STARD13: variants seen among roughly 807,000 people sequenced by gnomAD.
STARD13 encodes the protein stAR-related lipid transfer protein 13.
A neutral mutation model predicts 106.4 loss-of-function variants in STARD13; 62 were observed. That is an observed-to-expected ratio of 0.58 (90% CI 0.48 to 0.72). STARD13 has a LOEUF of 0.72. STARD13 is among the 30% of genes least tolerant of loss of function. The pLI, the probability that STARD13 is intolerant of heterozygous loss-of-function variation, is 0.00. For synonymous variants in STARD13, 565 were observed against 553.0 expected (o/e 1.02, Z -0.31); for missense variants, 1,387 against 1,424.0 (o/e 0.97, Z 0.42).
chr13:33,478,758 A>G, the STARD13 span, among the ~76,000 whole-genome samples: 1 of 152,138 alleles, frequency 6.6e-6, no homozygotes, highest in Non-Finnish European at 1.5e-5. Flanking sequence ...TCTACAAAAA[A>G]TAGAAAAATT....
chr13:33,637,509 T>C, the STARD13 span, among the ~76,000 whole-genome samples: 1 of 152,204 alleles, frequency 6.6e-6, no homozygotes, highest in Admixed American at 6.5e-5. Context: ...AGAATGCTGT[T>C]TCCATTGTGT....
intron 5 of STARD13, 132 bp downstream of exon 5, chr13:33,128,797 C>T: frequency 1.1e-6 from 1 of 874,520 alleles, no homozygotes; most frequent in Non-Finnish European, 1.7e-6. Context: ...CAAATAATTC[C>T]TAATCACATA....
intron 1 of STARD13, among the ~76,000 whole-genome samples, chr13:33,255,183 G>A (rs1262157046): frequency 6.6e-6 from 1 of 151,980 alleles, no homozygotes; most frequent in Non-Finnish European, 1.5e-5. Context: ...GGGGGACCAG[G>A]GAACTCTCCC....
the STARD13 span, among the ~76,000 whole-genome samples, chr13:33,395,018 A>G: frequency 6.6e-5 from 10 of 152,338 alleles, no homozygotes; most frequent in African/African-American, 2.4e-4. Flanking sequence ...TTTATCCATC[A>G]GGACTCAGGG....
the STARD13 span, among the ~76,000 whole-genome samples, chr13:33,410,983 A>G: frequency 6.6e-6 from 1 of 152,234 alleles, no homozygotes; most frequent in African/African-American, 2.4e-5. Flanking sequence ...CAAAATTTCC[A>G]TGCAAACTTT....
rs1593897589 is a variant in STARD13 at position 33,126,069 on chromosome 13, T to G, written c.2082+12A>C. 6.2e-7 allele frequency: 1 copy of G among 1,612,294 alleles called. No individual in the cohort carries two copies. On this transcript the variant is annotated intron_variant, in intron 7 of 13. Coordinates refer to ENST00000336934, the MANE Select transcript of STARD13 (RefSeq NM_178006.4). The stretch of plus-strand genomic sequence containing the variant: ...GGGTGGTGGGGCAGCAGCGGGGGGG[T>G]TACAGCCCTACCTGATCGAGGCAGT...
the STARD13 span, chr13:33,654,599 A>C: frequency 6.6e-6 from 1 of 152,228 alleles, no homozygotes; most frequent in Non-Finnish European, 1.5e-5. Flanking sequence ...GTACACTTTA[A>C]AAGAGTGAAT....
At chr13:33,167,808 T>A (rs1303008018) in intron 1 of STARD13, among the ~76,000 whole-genome samples, 186 bp from the exon 2 acceptor site, 1 of 152,162 alleles carries the variant, frequency 6.6e-6, no homozygotes, top group African/African-American at 2.4e-5. Context: ...ACAAAGGTCC[T>A]TGTTATGTGT....
chr13:33,403,430 G>A, the STARD13 span, among the ~76,000 whole-genome samples: 1 of 152,190 alleles, frequency 6.6e-6, no homozygotes, highest in African/African-American at 2.4e-5. Context: ...GAGGCCAAGG[G>A]TGTGGCAAAT....
chr13:33,546,814 C>T, the STARD13 span, among the ~76,000 whole-genome samples: 1 of 151,810 alleles, frequency 6.6e-6, no homozygotes, highest in Non-Finnish European at 1.5e-5. Flanking sequence ...TATTTGTAAT[C>T]AATTTAAGCC....
At chr13:33,388,516 C>T in the STARD13 span, among the ~76,000 whole-genome samples, 2 of 152,130 alleles carry the variant, frequency 1.3e-5, no homozygotes, top group Non-Finnish European at 2.9e-5. Context: ...TGCTCAAAGC[C>T]TATAGAAGTT....
chr13:33,626,148 T>G, the STARD13 span, among the ~76,000 whole-genome samples: 1 of 152,160 alleles, frequency 6.6e-6, no homozygotes, highest in African/African-American at 2.4e-5. Context: ...CACACACATC[T>G]GCACATGTGC....
At chr13:33,491,613 T>G in the STARD13 span, among the ~76,000 whole-genome samples, 79,419 of 151,970 alleles carry the variant, frequency 0.52, 21,675 homozygotes, top group African/African-American at 0.69. Context: ...ATCAAGGATC[T>G]CTGTCTAAAA....
intron 7 of STARD13, among the ~76,000 whole-genome samples, chr13:33,120,833 G>A (rs1009192707): frequency 5.9e-5 from 9 of 151,480 alleles, no homozygotes; most frequent in African/African-American, 1.9e-4. Context: ...GTGCAGTGGC[G>A]CATTCAAGTG....
At chr13:33,502,868 C>A in the STARD13 span, among the ~76,000 whole-genome samples, 2 of 152,134 alleles carry the variant, frequency 1.3e-5, no homozygotes, top group Non-Finnish European at 2.9e-5. Context: ...CTCTGCCAGG[C>A]GTTGGTATCA....
chr13:33,171,737 T>C (rs1883988556), intron 1 of STARD13, among the ~76,000 whole-genome samples: 1 of 152,240 alleles, frequency 6.6e-6, no homozygotes, highest in South Asian at 2.1e-4. Context: ...GGTAGCCTGG[T>C]CTAGCAAACA....
intron 1 of STARD13, among the ~76,000 whole-genome samples, chr13:33,305,271 C>T (rs1319781249): frequency 6.6e-6 from 1 of 152,200 alleles, no homozygotes; most frequent in Non-Finnish European, 1.5e-5. Context: ...TGAGCACTTA[C>T]TTTACTGCCG....
rs967845588 is a variant in STARD13 at position 33,130,824 on chromosome 13, A to T, written c.388-535T>A. Among the ~76,000 whole-genome samples, 1 of 152,210 alleles carries T rather than the reference A, an allele frequency of 6.6e-6. No homozygotes were observed. The highest frequency in any genetic ancestry group is 2.4e-5 in the African/African-American group (1 of 41,452). The stretch of plus-strand genomic sequence containing the variant: ...CCCCTGCACTTGATTCTTATCGTGT[A>T]TTCCCTGGATAAGGTAACAGCAAAA... On this transcript the variant is annotated intron_variant, in intron 4 of 13. Coordinates refer to ENST00000336934, the MANE Select transcript of STARD13 (RefSeq NM_178006.4). The surrounding 1 kb of genome is among the most constrained non-coding windows in gnomAD (Gnocchi z 4.1).
intron 3 of STARD13, among the ~76,000 whole-genome samples, chr13:33,151,926 T>C (rs933768145): frequency 6.6e-6 from 1 of 152,114 alleles, no homozygotes; most frequent in African/African-American, 2.4e-5. Flanking sequence ...AAACAGAGGA[T>C]GACTCCCAGA....
Sources: gnomAD v4.1 joint callset for allele counts (sites outside exome capture counted in the v4.1 genomes callset) on GRCh38, gnomAD v4.1.1 for gene constraint, Gnocchi (gnomAD v3.1) non-coding constraint, MANE v1.5 for transcripts, NCBI Gene and HGNC (gene_info 2026-07-23, HGNC 2026-07-21) for gene names.